PRDM16: variants seen among roughly 807,000 people sequenced by gnomAD.
PRDM16 encodes the protein PR/SET domain 16.
PRDM16 carries 23 observed loss-of-function variants against 110.6 expected under a neutral mutation model. The ratio of observed to expected loss-of-function variants is 0.21; its 90% CI spans 0.15 to 0.29. The LOEUF (loss-of-function observed/expected upper bound fraction) is 0.29, where lower values mean the gene tolerates loss of function less well. Ranked by LOEUF, PRDM16 falls within the 10% of genes least tolerant of loss-of-function variation. The pLI is 1.00. For synonymous variants in PRDM16, 799 were observed against 781.8 expected (o/e 1.02, Z -0.37); for missense variants, 1,615 against 1,794.3 (o/e 0.90, Z 1.81).
At chr1:3,340,743 T>C (rs1193742675) in intron 3 of PRDM16, among the ~76,000 whole-genome samples, 1 of 152,198 alleles carries the variant, frequency 6.6e-6, no homozygotes, top group Non-Finnish European at 1.5e-5. Context: ...GGACGTGTTT[T>C]GTAAAGGCCA....
At chr1:3,405,870 TC>T (rs1643553990) in intron 8 of PRDM16, among the ~76,000 whole-genome samples, 2 of 152,114 alleles carry the variant, frequency 1.3e-5, no homozygotes, top group African/African-American at 4.8e-5. Context: ...CATCCCGTCC[TC>T]CTCCACGGCT....
chr1:3,406,921 T>A (rs1246083777), intron 8 of PRDM16, among the ~76,000 whole-genome samples: 3 of 152,152 alleles, frequency 2.0e-5, no homozygotes, highest in African/African-American at 7.2e-5. Context: ...ACAGCATCCT[T>A]ACGAAAGCCT....
intron 3 of PRDM16, among the ~76,000 whole-genome samples, chr1:3,329,670 C>T (rs1254802857): frequency 3.3e-5 from 5 of 152,230 alleles, no homozygotes; most frequent in Non-Finnish European, 5.9e-5. Flanking sequence ...ACACCCCTCT[C>T]TTCCAGCTGC....
At chr1:3,133,507 C>G (rs114139816) in intron 1 of PRDM16, 1 of 152,306 alleles carries the variant, frequency 6.6e-6, no homozygotes, top group Non-Finnish European at 1.5e-5. Flanking sequence ...AGGGTCTGTC[C>G]AGAACTGCTC....
chr1:3,199,185 T>G (rs1021324794), intron 2 of PRDM16, among the ~76,000 whole-genome samples: 3 of 152,200 alleles, frequency 2.0e-5, no homozygotes, highest in African/African-American at 7.2e-5. Flanking sequence ...CAGGCACCTC[T>G]GGATCCTCGG....
chr1:3,321,062 C>G (rs1641728824), intron 3 of PRDM16, among the ~76,000 whole-genome samples: 1 of 152,214 alleles, frequency 6.6e-6, no homozygotes, highest in Non-Finnish European at 1.5e-5. Context: ...TTGCCCTCAT[C>G]ACTTACCATG....
chr1:3,385,786 G>A (rs1643185574), intron 4 of PRDM16, among the ~76,000 whole-genome samples: 1 of 152,238 alleles, frequency 6.6e-6, no homozygotes, highest in Non-Finnish European at 1.5e-5. Context: ...CCTGCTGAAG[G>A]CCTTGGCCTT....
At chr1:3,086,624 T>C (rs1194574449) in intron 1 of PRDM16, among the ~76,000 whole-genome samples, 1 of 152,080 alleles carries the variant, frequency 6.6e-6, no homozygotes, top group Non-Finnish European at 1.5e-5. Flanking sequence ...TGGGGCTCCC[T>C]TCCCCCAGCT....
chr1:3,372,334 A>T (rs1057010232), intron 3 of PRDM16, among the ~76,000 whole-genome samples: 2 of 151,940 alleles, frequency 1.3e-5, no homozygotes, highest in Non-Finnish European at 2.9e-5. Context: ...GGGAACCCCC[A>T]CCCCAAGCTG....
intron 9 of PRDM16, 70 bp from the exon 10 acceptor site, chr1:3,414,490 T>C (rs1228034442): frequency 2.4e-6 from 3 of 1,237,380 alleles, no homozygotes; most frequent in Non-Finnish European, 3.5e-6. Context: ...GGTGGGCGGC[T>C]CTGTGGAGCG....
chr1:3,180,850 G>T (rs1342519343), intron 1 of PRDM16, among the ~76,000 whole-genome samples: 2 of 148,934 alleles, frequency 1.3e-5, no homozygotes, highest in African/African-American at 5.1e-5. Flanking sequence ...GCTTACACAC[G>T]CAGTCTTACG....
At chr1:3,129,225 G>A (rs1376900293) in intron 1 of PRDM16, among the ~76,000 whole-genome samples, 1 of 149,384 alleles carries the variant, frequency 6.7e-6, no homozygotes, top group Non-Finnish European at 1.5e-5. Flanking sequence ...TGTGTGTCTT[G>A]GCTGGTATGT....
chr1:3,396,319 C>T lies in PRDM16; in HGVS notation c.574-172C>T, dbSNP rs754346862. 43 of 687,384 alleles carry T rather than the reference C, an allele frequency of 6.3e-5. 1 individual carries two copies. The highest frequency in any genetic ancestry group is 5.9e-4 in the South Asian group (39 of 66,590). 42.6% of individuals were successfully genotyped at this position (687,384 alleles called of 1,614,324 possible). On this transcript the variant is annotated intron_variant, in intron 4 of 16. Coordinates refer to ENST00000270722, the MANE Select transcript of PRDM16 (RefSeq NM_022114.4). ...AGCAAATTAAAAGGGGACGCAATTC[C>T]TTCTGCGCATACTCTGCAAAAGTTC...
At chr1:3,123,072 A>T (rs920792320) in intron 1 of PRDM16, among the ~76,000 whole-genome samples, 5 of 152,218 alleles carry the variant, frequency 3.3e-5, no homozygotes, top group Non-Finnish European at 4.4e-5. Context: ...TCTTCGGTGT[A>T]AAGTGAAGAG....
chr1:3,141,884 C>T (rs1320906187), intron 1 of PRDM16, among the ~76,000 whole-genome samples: 1 of 152,242 alleles, frequency 6.6e-6, no homozygotes, highest in Non-Finnish European at 1.5e-5. Flanking sequence ...CCACCTGACC[C>T]GTTCTGTGCG....
intron 2 of PRDM16, among the ~76,000 whole-genome samples, chr1:3,188,232 C>T (rs941601209): frequency 3.3e-5 from 5 of 152,168 alleles, no homozygotes; most frequent in African/African-American, 4.8e-5. Flanking sequence ...GGTGTTTGTC[C>T]GTCACACTTA....
At chr1:3,182,688 G>C (rs1268208510) in intron 1 of PRDM16, among the ~76,000 whole-genome samples, 1 of 152,176 alleles carries the variant, frequency 6.6e-6, no homozygotes, top group Non-Finnish European at 1.5e-5. Flanking sequence ...TCCCAGCCCG[G>C]GGCAGCAGCA....
At chr1:3,165,526 CAGTGACTCACCTGGGCTCAGGG>C (rs1643943254) in intron 1 of PRDM16, among the ~76,000 whole-genome samples, 1 of 117,760 alleles carries the variant, frequency 8.5e-6, no homozygotes, top group African/African-American at 4.0e-5. Flanking sequence ...GGCTCAGGGA[CAGTGACTCACCTGGGCTCAGGG>C]ACAGGGACTC....
intron 3 of PRDM16, among the ~76,000 whole-genome samples, chr1:3,260,840 C>A: frequency 7.5e-6 from 1 of 132,844 alleles, no homozygotes; most frequent in Non-Finnish European, 1.6e-5. Flanking sequence ...TGATGATGAG[C>A]CTCAAGGTCC....
Sources: gnomAD v4.1 joint callset for allele counts (sites outside exome capture counted in the v4.1 genomes callset) on GRCh38, gnomAD v4.1.1 for gene constraint, MANE v1.5 for transcripts, NCBI Gene and HGNC (gene_info 2026-07-23, HGNC 2026-07-21) for gene names.